The following IFT80 variants were observed in gnomAD, a reference collection of about 807,000 sequenced individuals.
IFT80 encodes intraflagellar transport protein 80 homolog.
In IFT80, 79 loss-of-function variants were observed where a neutral mutation model predicts 107.9. The ratio of observed to expected loss-of-function variants is 0.73; its 90% CI spans 0.61 to 0.88. The LOEUF (loss-of-function observed/expected upper bound fraction) is 0.88. IFT80 is among the 40% of genes least tolerant of loss of function. IFT80 has a pLI of 0.00. For synonymous variants in IFT80, 299 were observed against 300.9 expected (o/e 0.99, Z 0.07); for missense variants, 797 against 914.2 (o/e 0.87, Z 1.65).
At chr3:160,378,495 T>G (rs1283325801) in intron 3 of IFT80, among the ~76,000 whole-genome samples, 1 of 152,110 alleles carries the variant, frequency 6.6e-6, no homozygotes, top group Non-Finnish European at 1.5e-5. Context: ...TTATCTTGTT[T>G]TTTTAAATAC....
intron 9 of IFT80, among the ~76,000 whole-genome samples, chr3:160,309,793 A>C (rs1334507960): frequency 6.6e-6 from 1 of 152,126 alleles, no homozygotes; most frequent in Non-Finnish European, 1.5e-5. Context: ...TAAAAAAAAA[A>C]CAAGAAATCT....
chr3:160,380,174 A>G (rs1712362834), intron 3 of IFT80, among the ~76,000 whole-genome samples: 2 of 151,828 alleles, frequency 1.3e-5, no homozygotes, highest in Non-Finnish European at 2.9e-5. Context: ...CTGGGACTAT[A>G]GGCATGTGCC....
intron 10 of IFT80, among the ~76,000 whole-genome samples, chr3:160,304,499 A>T (rs1169632513): frequency 1.4e-5 from 2 of 147,692 alleles, no homozygotes; most frequent in African/African-American, 5.0e-5. Context: ...CCAGTGGCAC[A>T]ATCTCGGCTC....
At chr3:160,393,417 T>A (rs1419170001) in intron 1 of IFT80, among the ~76,000 whole-genome samples, 1 of 152,164 alleles carries the variant, frequency 6.6e-6, no homozygotes, top group Non-Finnish European at 1.5e-5. Flanking sequence ...AAAAAGCTAG[T>A]ACAAAAGGAC....
At chr3:160,307,442 C>T (rs1321358024) in intron 10 of IFT80, among the ~76,000 whole-genome samples, 3 of 152,198 alleles carry the variant, frequency 2.0e-5, no homozygotes, top group Non-Finnish European at 2.9e-5. Context: ...AGCCATTGCG[C>T]CTCGCTTGTC....
Position 160,381,502 on chromosome 3 carries a change from C to T in IFT80, c.259+1G>A. On this transcript the variant is annotated splice_donor_variant, in intron 3 of 19. Transcript: ENST00000326448. LOFTEE classifies it high-confidence loss of function. Reference sequence around the variant, plus strand: ...GCATATAATGTTTATTTAAAACTTACCATCAGAACTTGTGAGGACAAAGCT... The same window carrying T: ...GCATATAATGTTTATTTAAAACTTATCATCAGAACTTGTGAGGACAAAGCT... The T allele has an allele frequency of 6.2e-7, 1 of 1,605,802 alleles. No individual in the cohort carries two copies. The highest frequency in any genetic ancestry group is 8.5e-7 in the Non-Finnish European group (1 of 1,172,560).
chr3:160,312,200 A>C (rs1269955764), intron 9 of IFT80, among the ~76,000 whole-genome samples: 1 of 152,096 alleles, frequency 6.6e-6, no homozygotes, highest in East Asian at 1.9e-4. Flanking sequence ...GTCTATGTGA[A>C]TGGTGCCCTC....
rs568695321 is a variant in IFT80, at chr3:160,288,348, C to CA, written c.1316-2481dup. Among the ~76,000 whole-genome samples, 25 of 151,908 alleles carry CA rather than the reference C, an allele frequency of 1.6e-4. No individual in the cohort carries two copies. The East Asian group carries it at 2.3e-3, about 14-fold the overall frequency. ...ACTCCGTTTCAAAAACAAAAAACAA[C>CA]AAAAAAAGAAAATACAGCAAACAAA... On this transcript the variant is annotated intron_variant, in intron 12 of 19. Transcript: ENST00000326448.
intron 8 of IFT80, among the ~76,000 whole-genome samples, chr3:160,338,137 A>G: frequency 6.6e-6 from 1 of 152,180 alleles, no homozygotes; most frequent in Non-Finnish European, 1.5e-5. Context: ...CAGAAAACCA[A>G]AAACAATTAT....
chr3:160,307,742 A>C lies in IFT80; in HGVS notation c.997T>G (p.Phe333Val). Residue 333 changes from phenylalanine to valine, a missense_variant, in exon 10 of 20, where the codon TTC (phenylalanine) becomes GTC (valine). Phe to Val is a conservative substitution (Grantham distance 50). Transcript: ENST00000326448. The stretch of plus-strand genomic sequence containing the variant: ...GATGCTTTAATGACTCTATCACGGA[A>C]TTCCAGTAAATCCACTGCATCATTA... ...VLNDAVDLLE[F>V]RDRVIKASLN... 1 of 1,602,330 alleles carries C rather than the reference A, an allele frequency of 6.2e-7. No individual in the cohort carries two copies. The highest frequency in any genetic ancestry group is 8.6e-7 in the Non-Finnish European group (1 of 1,169,330).
intron 8 of IFT80, among the ~76,000 whole-genome samples, chr3:160,337,350 G>T (rs1719567498): frequency 6.6e-6 from 1 of 152,300 alleles, no homozygotes; most frequent in Middle Eastern, 3.4e-3. Context: ...AATGAGCCAG[G>T]CGTGGTGGTT....
chr3:160,335,318 C>G (rs1457835412), intron 8 of IFT80, among the ~76,000 whole-genome samples: 1 of 151,550 alleles, frequency 6.6e-6, no homozygotes, highest in East Asian at 1.9e-4. Flanking sequence ...GCAACCTTTG[C>G]CTCCCAGGTT....
At chr3:160,311,503 AACAATTCCAGAACTAGTG>A (rs1177792063) in intron 9 of IFT80, among the ~76,000 whole-genome samples, 1 of 152,222 alleles carries the variant, frequency 6.6e-6, no homozygotes, top group Non-Finnish European at 1.5e-5. Context: ...GAACTTAAAA[AACAATTCCAGAACTAGTG>A]ACAAAGAAAA....
chr3:160,347,626 G>T (rs1281749250), intron 8 of IFT80, among the ~76,000 whole-genome samples: 5 of 152,060 alleles, frequency 3.3e-5, no homozygotes, highest in Non-Finnish European at 7.4e-5. Context: ...AAAGACATGG[G>T]TACACAATTT....
chr3:160,343,340 A>G (rs1320171894), intron 8 of IFT80, among the ~76,000 whole-genome samples: 1 of 152,200 alleles, frequency 6.6e-6, no homozygotes, highest in East Asian at 1.9e-4. Context: ...CACAAGCAAT[A>G]GCACCACCTG....
chr3:160,384,272 T>A, intron 2 of IFT80: 1 of 565,764 alleles, frequency 1.8e-6, no homozygotes, highest in Non-Finnish European at 2.3e-6. Flanking sequence ...AGCTTCTTTT[T>A]AAGATCCTAC....
intron 5 of IFT80, among the ~76,000 whole-genome samples, chr3:160,369,456 A>G (rs1456690235): frequency 6.6e-6 from 1 of 151,960 alleles, no homozygotes; most frequent in African/African-American, 2.4e-5. Context: ...ACTACTGTAC[A>G]TATAAACATT....
At chr3:160,290,491 G>C (rs982702845) in intron 12 of IFT80, among the ~76,000 whole-genome samples, 1 of 151,906 alleles carries the variant, frequency 6.6e-6, no homozygotes, top group African/African-American at 2.4e-5. Context: ...ATATAGAAAT[G>C]CAAGAGCTAA....
intron 8 of IFT80, among the ~76,000 whole-genome samples, chr3:160,350,356 C>A (rs1263001228): frequency 1.4e-5 from 2 of 147,912 alleles, no homozygotes; most frequent in South Asian, 2.1e-4. Flanking sequence ...GCAGAGATTG[C>A]AGTGAGCTGA....
Sources: gnomAD v4.1 joint callset for allele counts (sites outside exome capture counted in the v4.1 genomes callset) on GRCh38, gnomAD v4.1.1 for gene constraint, MANE v1.5 for transcripts, NCBI Gene and HGNC (gene_info 2026-07-23, HGNC 2026-07-21) for gene names.